Variants in CDK5 observed in about 807,000 individuals in gnomAD.
CDK5 encodes the protein cyclin-dependent kinase 5.
CDK5 carries 18 observed loss-of-function variants against 44.6 expected under a neutral mutation model. The ratio of observed to expected loss-of-function variants is 0.40; its 90% CI spans 0.28 to 0.60. The LOEUF is 0.60. CDK5 is among the 20% of genes least tolerant of loss of function. The pLI is 0.38. For missense variants in CDK5, 198 were observed against 368.1 expected, an observed-to-expected ratio of 0.54 and a Z score of 3.78; for synonymous variants, 143 against 152.8, an observed-to-expected ratio of 0.94 and a Z score of 0.47.
intron 7 of CDK5, 46 bp from the exon 8 acceptor site, chr7:151,055,419 G>A (rs779590936): frequency 1.9e-6 from 3 of 1,573,352 alleles, no homozygotes; most frequent in Non-Finnish European, 2.6e-6. Flanking sequence ...TAGAGGACTG[G>A]GGAGGAGGTT....
In CDK5 at chr7:151,057,245, G is replaced by A. The variant is rs1242937150; in HGVS notation, c.38-85C>T. 3 of 1,023,732 alleles carry A rather than the reference G, an allele frequency of 2.9e-6. No homozygotes were observed. The highest frequency in any genetic ancestry group is 4.7e-6 in the Non-Finnish European group (3 of 641,900). The allele number at this position is 1,023,732 out of a possible 1,614,324, so 63.4% of individuals were successfully genotyped here. On this transcript the variant is annotated intron_variant, in intron 1 of 11. Transcript: ENST00000485972. The surrounding 1 kb of genome is among the most constrained non-coding windows in gnomAD (Gnocchi z 5.2). ...ATGCCTCCTGAGAGAGGTGAAGGCA[G>A]CGTCTCAGTATGCAAGGGAAGGGAT...
chr7:151,057,221 T>G lies in CDK5; in HGVS notation c.38-61A>C. 1.6e-6 allele frequency: 2 copies of G among 1,284,038 alleles called. No individual in the cohort carries two copies. The highest frequency in any genetic ancestry group is 3.7e-4 in the Middle Eastern group (2 of 5,446). 79.5% of individuals were successfully genotyped at this position (1,284,038 alleles called of 1,614,324 possible). On this transcript the variant is annotated intron_variant, in intron 1 of 11. Coordinates refer to ENST00000485972, the MANE Select transcript of CDK5 (RefSeq NM_004935.4). The surrounding 1 kb of genome is among the most constrained non-coding windows in gnomAD (Gnocchi z 5.2). ...CGGCACTCTTCCCTAAGCCAGGAAA[T>G]GCCTCCTGAGAGAGGTGAAGGCAGC...
rs1382660835 is a variant in CDK5 at position 151,057,869 on chromosome 7, C to T, written c.-21G>A. On this transcript the variant is annotated 5_prime_UTR_variant, in exon 1 of 12. Coordinates refer to ENST00000485972, the MANE Select transcript of CDK5 (RefSeq NM_004935.4). This position sits in a 1 kb window ranked among gnomAD's most constrained non-coding sequence, Gnocchi z 5.2. ...TGCATCGCGGCGGCCGCGGGGACCC[C>T]TGCGGGCCCTCGGTTTTAAGACTCT... The T allele has an allele frequency of 6.2e-7, 1 of 1,604,612 alleles. No individual in the cohort carries two copies. Among genetic ancestry groups the T allele is most frequent in the Non-Finnish European group, 8.5e-7 (1 of 1,175,930 alleles).
At position 151,056,164 on chromosome 7, in the gene CDK5, T is replaced by C. The variant is rs1796889696; in HGVS notation, c.313-316A>G. 9.7e-6 allele frequency: 5 copies of C among 516,962 alleles called. No homozygotes were observed. The highest frequency in any genetic ancestry group is 7.9e-5 in the South Asian group (3 of 37,776). The allele number at this position is 516,962 out of a possible 1,614,324, so 32.0% of individuals were successfully genotyped here. On this transcript the variant is annotated intron_variant, in intron 5 of 11. Coordinates refer to ENST00000485972, the MANE Select transcript of CDK5 (RefSeq NM_004935.4). The surrounding 1 kb of genome is among the most constrained non-coding windows in gnomAD (Gnocchi z 4.7). Reference sequence around the variant, plus strand: ...TCTTCCCTTCCTGGCCGCATCTGAGTATGCACGCCGTGAACATCAACATAA... The same window carrying C: ...TCTTCCCTTCCTGGCCGCATCTGAGCATGCACGCCGTGAACATCAACATAA...
intron 5 of CDK5, 147 bp from the exon 6 acceptor site, chr7:151,055,995 T>C: frequency 1.5e-6 from 1 of 649,458 alleles, no homozygotes; most frequent in Admixed American, 2.3e-5. Flanking sequence ...TCATTCGCCA[T>C]CCAGGACCTG....
At chr7:151,055,413 G>A in intron 7 of CDK5, 40 bp from the exon 8 acceptor site, 2 of 1,560,408 alleles carry the variant, frequency 1.3e-6, no homozygotes, top group South Asian at 1.1e-5. Context: ...CCCACTTAGA[G>A]GACTGGGGAG....
In CDK5 at chr7:151,056,492, G is replaced by T; in HGVS notation, c.312+88C>A. ...TAACACCCTAGAGTGTCCCTGTTCAGGGCCCAAACTTAGAGCCCAAGGGGT... is the reference window on the plus strand; with the variant it reads ...TAACACCCTAGAGTGTCCCTGTTCATGGCCCAAACTTAGAGCCCAAGGGGT... On this transcript the variant is annotated intron_variant, in intron 5 of 11. Coordinates refer to ENST00000485972, the MANE Select transcript of CDK5 (RefSeq NM_004935.4). This position sits in a 1 kb window ranked among gnomAD's most constrained non-coding sequence, Gnocchi z 4.7. 1 of 1,188,296 alleles carries T rather than the reference G, an allele frequency of 8.4e-7. No individual in the cohort carries two copies. Among genetic ancestry groups the T allele is most frequent in the East Asian group, 2.4e-5 (1 of 41,000 alleles). The allele number at this position is 1,188,296 out of a possible 1,614,324, so 73.6% of individuals were successfully genotyped here. A position where few individuals can be genotyped will look rare whatever the true frequency, so the allele number is the denominator to read the frequency against.
In CDK5 at chr7:151,054,254, G is replaced by A. The variant is rs756816841; in HGVS notation, c.750C>T (p.Asn250=). The A allele has an allele frequency of 1.7e-5, 28 of 1,613,522 alleles. No individual in the cohort carries two copies. The highest frequency in any genetic ancestry group is 3.3e-5 in the South Asian group (3 of 91,014). Reference sequence around the variant, plus strand: ...CTGTGGCATTGAGTTTGGGCACGACGTTCACCAGGGATGTTGTGGCCGGGT... The same window carrying A: ...CTGTGGCATTGAGTTTGGGCACGACATTCACCAGGGATGTTGTGGCCGGGT... ...PMYPATTSLV[N]VVPKLNATGR... The change falls in exon 11 of 12, where the codon AAC becomes AAT. Residue 250 remains asparagine, a synonymous_variant. Transcript: ENST00000485972. This position sits in a 1 kb window ranked among gnomAD's most constrained non-coding sequence, Gnocchi z 5.7.
chr7:151,054,267 G>A lies in CDK5; in HGVS notation c.737C>T (p.Thr246Ile), dbSNP rs750298451. The change falls in exon 11 of 12, where the codon ACA becomes ATA. Residue 246 changes from threonine to isoleucine, a missense_variant. Thr to Ile is a moderately conservative substitution (Grantham distance 89). Coordinates refer to ENST00000485972, the MANE Select transcript of CDK5 (RefSeq NM_004935.4). The surrounding 1 kb of genome is among the most constrained non-coding windows in gnomAD (Gnocchi z 5.7). ...TTTGGGCACGACGTTCACCAGGGAT[G>A]TTGTGGCCGGGTACATCGGATAGGG... ...YKPYPMYPATTSLVNVVPKLN... is the reference protein window; with the variant it reads ...YKPYPMYPATISLVNVVPKLN... The A allele has an allele frequency of 2.5e-6, 4 of 1,613,696 alleles. No individual in the cohort carries two copies. Among genetic ancestry groups the A allele is most frequent in the African/African-American group, 2.7e-5 (2 of 74,910 alleles).
In CDK5 at chr7:151,057,228, TGA is replaced by T; in HGVS notation, c.38-70_38-69del. ...CTTCCCTAAGCCAGGAAATGCCTCC[TGA>T]GAGAGGTGAAGGCAGCGTCTCAGTA... On this transcript the variant is annotated intron_variant, in intron 1 of 11. Transcript: ENST00000485972. The surrounding 1 kb of genome is among the most constrained non-coding windows in gnomAD (Gnocchi z 5.2). 8.4e-7 allele frequency: 1 copy of T among 1,186,030 alleles called. No individual in the cohort carries two copies. Among genetic ancestry groups the T allele is most frequent in the Non-Finnish European group, 1.3e-6 (1 of 789,464 alleles). 73.5% of individuals were successfully genotyped at this position (1,186,030 alleles called of 1,614,324 possible). A position where few individuals can be genotyped will look rare whatever the true frequency, so the allele number is the denominator to read the frequency against.
In CDK5 at chr7:151,057,217, G is replaced by A; in HGVS notation, c.38-57C>T. The A allele has an allele frequency of 7.6e-7, 1 of 1,308,060 alleles. No individual in the cohort carries two copies. The highest frequency in any genetic ancestry group is 1.1e-6 in the Non-Finnish European group (1 of 901,034). 81.0% of individuals were successfully genotyped at this position (1,308,060 alleles called of 1,614,324 possible). On this transcript the variant is annotated intron_variant, in intron 1 of 11. Transcript: ENST00000485972. This position sits in a 1 kb window ranked among gnomAD's most constrained non-coding sequence, Gnocchi z 5.2. ...GATGCGGCACTCTTCCCTAAGCCAG[G>A]AAATGCCTCCTGAGAGAGGTGAAGG...
At position 151,055,837 on chromosome 7, in the gene CDK5, G is replaced by C; in HGVS notation, c.324C>G (p.Phe108Leu). ...AGAATCCCAGCCCTTTTAGTAGCTG[G>C]AAGAGGAATGACTGGGAGGAGAGAG... Reference protein sequence around the residue: ...LDPEIVKSFLFQLLKGLGFCH... With the variant: ...LDPEIVKSFLLQLLKGLGFCH... Residue 108 changes from phenylalanine to leucine, a missense_variant, in exon 6 of 12, where the codon TTC becomes TTG. Phe to Leu is a conservative substitution (Grantham distance 22). Transcript: ENST00000485972. 1 of 1,606,956 alleles carries C rather than the reference G, an allele frequency of 6.2e-7. No homozygotes were observed. Among genetic ancestry groups the C allele is most frequent in the Non-Finnish European group, 8.5e-7 (1 of 1,176,180 alleles).
At position 151,056,503 on chromosome 7, in the gene CDK5, T is replaced by C. The variant is rs981723295; in HGVS notation, c.312+77A>G. ...AGTGTCCCTGTTCAGGGCCCAAACT[T>C]AGAGCCCAAGGGGTGCTTACACCGA... On this transcript the variant is annotated intron_variant, in intron 5 of 11. Coordinates refer to ENST00000485972, the MANE Select transcript of CDK5 (RefSeq NM_004935.4). The surrounding 1 kb of genome is among the most constrained non-coding windows in gnomAD (Gnocchi z 4.7). The C allele has an allele frequency of 1.5e-6, 2 of 1,354,810 alleles. No homozygotes were observed. The highest frequency in any genetic ancestry group is 1.8e-5 in the Admixed American group (1 of 54,408). 83.9% of individuals were successfully genotyped at this position (1,354,810 alleles called of 1,614,324 possible).
Position 151,056,787 on chromosome 7 carries a change from G to A in CDK5, c.204C>T (p.Asp68=), listed in dbSNP as rs1414290661. The change falls in exon 4 of 12, where the codon GAC becomes GAT. Residue 68 remains aspartate (D), a synonymous_variant. Transcript: ENST00000485972. The surrounding 1 kb of genome is among the most constrained non-coding windows in gnomAD (Gnocchi z 4.7). ...LKHKNIVRLH[D]VLHSDKKLTL... is the part of the protein sequence containing the mutation. ...TCAGCTTCTTGTCGCTGTGCAGGAC[G>A]TCATGAAGCCTAGGGCAAAAGAAGG... The A allele has an allele frequency of 5.6e-6, 9 of 1,611,432 alleles. No individual in the cohort carries two copies. The highest frequency in any genetic ancestry group is 2.2e-5 in the South Asian group (2 of 90,606).
rs1380669021 is a variant in CDK5 at position 151,056,017 on chromosome 7, G to C, written c.313-169C>G. On this transcript the variant is annotated intron_variant, in intron 5 of 11. Transcript: ENST00000485972. This position sits in a 1 kb window ranked among gnomAD's most constrained non-coding sequence, Gnocchi z 4.7. ...CCATCCAGGACCTGCTTTATACTGT[G>C]CTAGGCATTAGAGGGACCAAAGTAA... is the stretch of plus-strand genomic sequence containing the variant. The C allele has an allele frequency of 1.6e-6, 1 of 620,714 alleles. No individual in the cohort carries two copies. Among genetic ancestry groups the C allele is most frequent in the African/African-American group, 1.8e-5 (1 of 54,646 alleles). 38.5% of individuals were successfully genotyped at this position (620,714 alleles called of 1,614,324 possible). A position where few individuals can be genotyped will look rare whatever the true frequency, so the allele number is the denominator to read the frequency against.
At position 151,053,973 on chromosome 7, in the gene CDK5, G is replaced by A; in HGVS notation, c.*36C>T. ...CCCTCTCAAGAGGGGGCTTAAATAG[G>A]CCAGGCCCCAGCCTGGAGGCCGGGG... On this transcript the variant is annotated 3_prime_UTR_variant, in exon 12 of 12. Coordinates refer to ENST00000485972, the MANE Select transcript of CDK5 (RefSeq NM_004935.4). 2 of 1,533,048 alleles carry A rather than the reference G, an allele frequency of 1.3e-6. No individual in the cohort carries two copies. The highest frequency in any genetic ancestry group is 1.4e-5 in the African/African-American group (1 of 73,096). 95.0% of individuals were successfully genotyped at this position (1,533,048 alleles called of 1,614,324 possible).
At chr7:151,055,143 C>T in intron 8 of CDK5, 47 bp from the exon 9 acceptor site, 1 of 1,588,352 alleles carries the variant, frequency 6.3e-7, no homozygotes. Context: ...AAGGACCCCT[C>T]ACTCTGAGGT....
rs775274881 is a variant in CDK5, at chr7:151,056,784, G to T, written c.207C>A (p.Val69=). 23 of 1,611,814 alleles carry T rather than the reference G, an allele frequency of 1.4e-5. No homozygotes were observed. Among genetic ancestry groups the T allele is most frequent in the Non-Finnish European group, 8.5e-6 (10 of 1,179,058 alleles). Residue 69 remains valine (V), a synonymous_variant, in exon 4 of 12, where the codon GTC becomes GTA. Transcript: ENST00000485972. The surrounding 1 kb of genome is among the most constrained non-coding windows in gnomAD (Gnocchi z 4.7). ...AAGTCAGCTTCTTGTCGCTGTGCAG[G>T]ACGTCATGAAGCCTAGGGCAAAAGA... The part of the protein sequence containing the change: ...KHKNIVRLHD[V]LHSDKKLTLV...
Position 151,057,162 on chromosome 7 carries a change from T to C in CDK5, c.38-2A>G. 6.2e-7 allele frequency: 1 copy of C among 1,613,032 alleles called. No individual in the cohort carries two copies. The highest frequency in any genetic ancestry group is 1.1e-5 in the South Asian group (1 of 91,056). ...CCTTGAACACAGTTCCGTAGGTGCC[T>C]AGGGGAAGGAGGTCAGGGGTCAGGG... is the stretch of plus-strand genomic sequence containing the variant. On this transcript the variant is annotated splice_acceptor_variant, in intron 1 of 11. Coordinates refer to ENST00000485972, the MANE Select transcript of CDK5 (RefSeq NM_004935.4). LOFTEE classifies it high-confidence loss of function. This position sits in a 1 kb window ranked among gnomAD's most constrained non-coding sequence, Gnocchi z 5.2.
Sources: gnomAD v4.1 joint callset for allele counts on GRCh38, gnomAD v4.1.1 for gene constraint, Gnocchi (gnomAD v3.1) non-coding constraint, MANE v1.5 for transcripts, NCBI Gene and HGNC (gene_info 2026-07-23, HGNC 2026-07-21) for gene names.